Variants in MYRIP observed in about 807,000 individuals in gnomAD.
The protein encoded by MYRIP is rab effector MyRIP.
MYRIP carries 49 observed loss-of-function variants against 98.0 expected under a neutral mutation model. The ratio of observed to expected loss-of-function variants is 0.50; its 90% CI spans 0.40 to 0.63. The LOEUF (loss-of-function observed/expected upper bound fraction) is 0.63. Ranked by LOEUF, MYRIP falls within the 30% of genes least tolerant of loss-of-function variation. The probability of loss-of-function intolerance (pLI) is 0.00; values close to 1 mark genes in which losing one functional copy is unlikely to be tolerated. For missense variants in MYRIP, 1,004 were observed against 1,058.2 expected (o/e 0.95, Z 0.71); for synonymous variants, 404 against 409.5 (o/e 0.99, Z 0.16).
rs774032446 is a variant in MYRIP, at chr3:39,883,299, C to T, written c.-30-17488C>T. 6.6e-5 allele frequency among the ~76,000 whole-genome samples: 10 copies of T among 152,128 alleles called. No individual in the cohort carries two copies. In the South Asian group the frequency reaches 1.7e-3, roughly 25 times the overall value. On this transcript the variant is annotated intron_variant, in intron 1 of 16. Coordinates refer to ENST00000302541, the MANE Select transcript of MYRIP (RefSeq NM_015460.4). ...AACTGCAGCTTAGCTTCAAATTGTC[C>T]CAATCCTGAAATTGCTAATGCATGC...
At chr3:39,909,901 T>TTTGC (rs746823470) in intron 2 of MYRIP, among the ~76,000 whole-genome samples, 1 of 144,478 alleles carries the variant, frequency 6.9e-6, no homozygotes, top group Non-Finnish European at 1.5e-5. Flanking sequence ...TGTTTGTTTG[T>TTTGC]TTTGTTTTGA....
intron 3 of MYRIP, among the ~76,000 whole-genome samples, chr3:40,132,545 A>G (rs1384337114): frequency 6.6e-6 from 1 of 152,062 alleles, no homozygotes; most frequent in East Asian, 1.9e-4. Flanking sequence ...AAATTTGTAT[A>G]TTTTTCTGGG....
At chr3:40,130,741 C>T (rs1158136805) in intron 3 of MYRIP, among the ~76,000 whole-genome samples, 2 of 151,854 alleles carry the variant, frequency 1.3e-5, no homozygotes, top group Non-Finnish European at 2.9e-5. Context: ...TGTGTATCTC[C>T]AGACTGGTAT....
chr3:40,124,515 G>T (rs1949479034), intron 3 of MYRIP, among the ~76,000 whole-genome samples: 1 of 152,220 alleles, frequency 6.6e-6, no homozygotes, highest in Non-Finnish European at 1.5e-5. Context: ...AGCCAGTTCA[G>T]CAGTGACTGG....
Position 40,044,183 on chromosome 3 carries a change from G to A in MYRIP, c.244G>A (p.Gly82Arg). ...CCTCGTCAACACCAAGCGCCAGTGT[G>A]GAGATTGCAAATTCAATGTCTGCAA... Reference protein sequence around the residue: ...TFLVNTKRQCGDCKFNVCKSC... With the variant: ...TFLVNTKRQCRDCKFNVCKSC... The change falls in exon 3 of 17, where the codon GGA becomes AGA. Residue 82 changes from glycine (G) to arginine (R), a missense_variant. Around this residue, in one of 3 missense-constraint regions of MYRIP, gnomAD observed 880 missense variants for 907.7 expected, o/e 0.97. Coordinates refer to ENST00000302541, the MANE Select transcript of MYRIP (RefSeq NM_015460.4). 2 of 1,614,172 alleles carry A rather than the reference G, an allele frequency of 1.2e-6. No homozygotes were observed. Among genetic ancestry groups the A allele is most frequent in the Non-Finnish European group, 1.7e-6 (2 of 1,180,016 alleles).
chr3:40,111,373 A>C (rs1193026245), intron 3 of MYRIP, among the ~76,000 whole-genome samples: 2 of 152,228 alleles, frequency 1.3e-5, no homozygotes, highest in Non-Finnish European at 2.9e-5. Flanking sequence ...GAATGCATTA[A>C]GCTTCAAAAA....
intron 2 of MYRIP, among the ~76,000 whole-genome samples, chr3:39,913,920 G>A (rs1219988164): frequency 6.6e-6 from 1 of 152,184 alleles, no homozygotes; most frequent in Admixed American, 6.5e-5. Context: ...ACTCAACATT[G>A]TTCTATCAGC....
intron 4 of MYRIP, among the ~76,000 whole-genome samples, chr3:40,154,682 A>T (rs1433488063): frequency 6.6e-6 from 1 of 152,030 alleles, no homozygotes; most frequent in African/African-American, 2.4e-5. Flanking sequence ...TGTATTAGCT[A>T]TTTATCCTGA....
intron 3 of MYRIP, among the ~76,000 whole-genome samples, chr3:40,117,621 T>C (rs1411059770): frequency 3.3e-5 from 5 of 152,216 alleles, no homozygotes; most frequent in Non-Finnish European, 4.4e-5. Context: ...ATACAGCATA[T>C]TGATGTTCTG....
At chr3:40,249,320 C>T (rs1183314644) in intron 13 of MYRIP, among the ~76,000 whole-genome samples, 1 of 152,170 alleles carries the variant, frequency 6.6e-6, no homozygotes, top group African/African-American at 2.4e-5. Flanking sequence ...GTCCCCCATA[C>T]CGGGTGTTGG....
intron 4 of MYRIP, among the ~76,000 whole-genome samples, chr3:40,157,748 A>G (rs903519992): frequency 6.7e-6 from 1 of 150,332 alleles, no homozygotes; most frequent in African/African-American, 2.4e-5. Context: ...CGAGGAATTT[A>G]TCCATTTCTT....
intron 2 of MYRIP, among the ~76,000 whole-genome samples, chr3:40,015,368 C>T (rs1946839930): frequency 6.6e-6 from 1 of 152,194 alleles, no homozygotes; most frequent in African/African-American, 2.4e-5. Flanking sequence ...GAGAGCCAGT[C>T]AGAGTACTGC....
At chr3:40,136,796 C>T (rs1263922003) in intron 3 of MYRIP, among the ~76,000 whole-genome samples, 14 of 152,218 alleles carry the variant, frequency 9.2e-5, no homozygotes, top group African/African-American at 2.9e-4. Flanking sequence ...GGGTACATAA[C>T]GAAATGAAGG....
At chr3:40,055,649 C>A (rs569681591) in intron 3 of MYRIP, among the ~76,000 whole-genome samples, 1 of 152,296 alleles carries the variant, frequency 6.6e-6, no homozygotes, top group East Asian at 1.9e-4. Flanking sequence ...CATGAACAGG[C>A]CTTACAACAG....
At chr3:40,023,100 C>A (rs975124295) in intron 2 of MYRIP, among the ~76,000 whole-genome samples, 5 of 152,168 alleles carry the variant, frequency 3.3e-5, no homozygotes, top group Non-Finnish European at 1.5e-5. Context: ...AAGGAAAAAA[C>A]TCTTGGAAAG....
At chr3:40,119,684 C>T (rs965135523) in intron 3 of MYRIP, among the ~76,000 whole-genome samples, 28 of 151,950 alleles carry the variant, frequency 1.8e-4, no homozygotes, top group African/African-American at 6.8e-4. Flanking sequence ...AACCAAACAC[C>T]ACATGTTCTC....
chr3:39,988,976 G>A (rs1042574936), intron 2 of MYRIP, among the ~76,000 whole-genome samples: 2 of 151,766 alleles, frequency 1.3e-5, no homozygotes, highest in African/African-American at 4.8e-5. Flanking sequence ...TTAGCTCAGC[G>A]GAGTTTGTTA....
In MYRIP at chr3:40,259,317, C is replaced by T. The variant is rs936449748; in HGVS notation, c.*1151C>T. On this transcript the variant is annotated 3_prime_UTR_variant, in exon 17 of 17. Transcript: ENST00000302541. ...CTGAACTTTCACTCAATTAATTGGG[C>T]ATTAACAACCTTCTTTTATGTTTGT... is the stretch of plus-strand genomic sequence containing the variant. The T allele has an allele frequency of 6.6e-6, 1 of 152,156 alleles. No homozygotes were observed. Among genetic ancestry groups the T allele is most frequent in the African/African-American group, 2.4e-5 (1 of 41,426 alleles). The allele number at this position is 152,156 out of a possible 1,614,324, so 9.4% of individuals were successfully genotyped here.
chr3:39,974,581 T>G (rs1291422145), intron 2 of MYRIP, among the ~76,000 whole-genome samples: 1 of 152,168 alleles, frequency 6.6e-6, no homozygotes, highest in African/African-American at 2.4e-5. Context: ...TACCAAAGCC[T>G]GGCAGAGACA....
Sources: gnomAD v4.1 joint callset for allele counts (sites outside exome capture counted in the v4.1 genomes callset) on GRCh38, gnomAD v4.1.1 for gene constraint, gnomAD v4.1.1 regional missense constraint, MANE v1.5 for transcripts, NCBI Gene and HGNC (gene_info 2026-07-23, HGNC 2026-07-21) for gene names.